The following WWOX variants were observed in gnomAD, a reference collection of about 807,000 sequenced individuals.
WWOX encodes WW domain-containing oxidoreductase.
WWOX carries 69 observed loss-of-function variants against 46.2 expected under a neutral mutation model. The ratio of observed to expected loss-of-function variants is 1.49; its 90% CI spans 1.23 to 1.82. WWOX has a LOEUF of 1.82. WWOX is among the 40% of genes most tolerant of loss of function. WWOX has a pLI of 0.00. For synonymous variants in WWOX, 359 were observed against 202.6 expected (o/e 1.77, Z -6.56); for missense variants, 919 against 542.6 (o/e 1.69, Z -6.89).
At chr16:78,866,946 C>T (rs1254814736) in intron 8 of WWOX, among the ~76,000 whole-genome samples, 1 of 152,200 alleles carries the variant, frequency 6.6e-6, no homozygotes, top group Non-Finnish European at 1.5e-5. Context: ...GAACCCTTGC[C>T]ACCAGCTGCA....
At chr16:79,179,030 C>A (rs1049522918) in intron 8 of WWOX, among the ~76,000 whole-genome samples, 2 of 152,124 alleles carry the variant, frequency 1.3e-5, no homozygotes, top group Admixed American at 6.5e-5. Flanking sequence ...TGTGCTAAAC[C>A]TGGCCCTGCC....
rs2046109317 is a variant in WWOX, at chr16:78,619,143, ATATATATATATATAT to A, written c.1056+186392_1056+186406del. 5.7e-4 allele frequency among the ~76,000 whole-genome samples: 2 copies of A among 3,526 alleles called. 1 individual carries two copies. The highest frequency in any genetic ancestry group is 1.0e-3 in the Non-Finnish European group (2 of 1,964). The allele number at this position is 3,526 out of a possible 152,430, so 2.3% of individuals were successfully genotyped here. The stretch of plus-strand genomic sequence containing the variant: ...AAACCCCATTTCTACTAAAAAAAAA[ATATATATATATATAT>A]ATATATATATATATATATATATATA... On this transcript the variant is annotated intron_variant, in intron 8 of 8. Coordinates refer to ENST00000566780, the MANE Select transcript of WWOX (RefSeq NM_016373.4).
chr16:79,160,787 CTG>C (rs1196277980), intron 8 of WWOX, among the ~76,000 whole-genome samples: 6 of 152,166 alleles, frequency 3.9e-5, no homozygotes, highest in East Asian at 3.9e-4. Flanking sequence ...ATTCATATGT[CTG>C]TGTGTACATA....
chr16:78,101,665 T>G (rs1394241119), intron 1 of WWOX, among the ~76,000 whole-genome samples: 1 of 152,132 alleles, frequency 6.6e-6, no homozygotes, highest in Non-Finnish European at 1.5e-5. Context: ...TCTCCCTTGG[T>G]AGGTTGTAAA....
At chr16:78,222,358 AAAGG>A (rs1397150287) in intron 5 of WWOX, among the ~76,000 whole-genome samples, 6 of 151,600 alleles carry the variant, frequency 4.0e-5, no homozygotes, top group Admixed American at 6.6e-5. Context: ...AAAAAAAAAA[AAAGG>A]AGAAGTCCAA....
At chr16:78,851,468 C>T (rs962824196) in intron 8 of WWOX, among the ~76,000 whole-genome samples, 2 of 152,170 alleles carry the variant, frequency 1.3e-5, no homozygotes, top group African/African-American at 4.8e-5. Flanking sequence ...AGGTCATTGC[C>T]TATATGACTC....
chr16:79,112,905 A>G (rs142029410), intron 8 of WWOX, among the ~76,000 whole-genome samples: 1,648 of 152,300 alleles, frequency 0.011, 30 homozygotes, highest in African/African-American at 0.038. Context: ...GCCTCTGTGC[A>G]GCGCAGCTCA....
At chr16:78,728,187 C>T (rs2048882259) in intron 8 of WWOX, among the ~76,000 whole-genome samples, 1 of 150,932 alleles carries the variant, frequency 6.6e-6, no homozygotes, top group East Asian at 2.0e-4. Context: ...GCCTCAGCCT[C>T]CTGAGTAGCT....
intron 8 of WWOX, among the ~76,000 whole-genome samples, chr16:78,599,105 G>A (rs1456073600): frequency 6.6e-6 from 1 of 152,166 alleles, no homozygotes; most frequent in Non-Finnish European, 1.5e-5. Flanking sequence ...CTGAATGCCA[G>A]CTCAAGCTGC....
At chr16:78,796,848 C>G (rs1340376810) in intron 8 of WWOX, among the ~76,000 whole-genome samples, 1 of 147,666 alleles carries the variant, frequency 6.8e-6, no homozygotes, top group Non-Finnish European at 1.5e-5. Context: ...TTTTTTTAGC[C>G]ATAGTCTCAC....
At chr16:78,275,223 T>C (rs1124584) in intron 5 of WWOX, among the ~76,000 whole-genome samples, 95,449 of 152,056 alleles carry the variant, frequency 0.63, 31,315 homozygotes, top group East Asian at 0.92. Flanking sequence ...CCCCACATCC[T>C]CTTTTTTTAA....
chr16:78,612,801 A>G (rs2045931689), intron 8 of WWOX, among the ~76,000 whole-genome samples: 1 of 152,208 alleles, frequency 6.6e-6, no homozygotes, highest in South Asian at 2.1e-4. Flanking sequence ...CACCTACAAA[A>G]TGAAGGCTAC....
At chr16:79,195,506 G>A (rs535036795) in intron 8 of WWOX, among the ~76,000 whole-genome samples, 98 of 152,268 alleles carry the variant, frequency 6.4e-4, no homozygotes, top group African/African-American at 2.3e-3. Flanking sequence ...CTGAGGAAAT[G>A]AGTGCCTCCT....
At chr16:78,331,565 C>G (rs977970009) in intron 5 of WWOX, among the ~76,000 whole-genome samples, 13 of 152,170 alleles carry the variant, frequency 8.5e-5, no homozygotes, top group African/African-American at 1.9e-4. Context: ...GGAGAGTCTA[C>G]CAGGCAGCAC....
In WWOX at chr16:78,277,315, G is replaced by A. The variant is rs115542586; in HGVS notation, c.517-109545G>A. 6.8e-3 allele frequency among the ~76,000 whole-genome samples: 1,029 copies of A among 152,252 alleles called. 10 individuals carry two copies. The highest frequency in any genetic ancestry group is 0.023 in the African/African-American group (973 of 41,542). On this transcript the variant is annotated intron_variant, in intron 5 of 8. Coordinates refer to ENST00000566780, the MANE Select transcript of WWOX (RefSeq NM_016373.4). The stretch of plus-strand genomic sequence containing the variant: ...GGCCAGGTTTGTGTAAGGGATGAAC[G>A]ACTCTCTATAAAATGATGTCAGGAT...
chr16:78,690,971 A>G (rs778421788), intron 8 of WWOX, among the ~76,000 whole-genome samples: 23 of 152,100 alleles, frequency 1.5e-4, no homozygotes, highest in Non-Finnish European at 7.3e-5. Context: ...CCAGGCCTCA[A>G]TCTATATGTC....
chr16:79,121,326 C>T (rs1227266975), intron 8 of WWOX, among the ~76,000 whole-genome samples: 1 of 152,158 alleles, frequency 6.6e-6, no homozygotes, highest in Non-Finnish European at 1.5e-5. Context: ...ATATCTTCTC[C>T]ATAGTCGCAG....
chr16:78,191,265 C>T (rs1239779998), intron 5 of WWOX, among the ~76,000 whole-genome samples: 1 of 152,172 alleles, frequency 6.6e-6, no homozygotes, highest in African/African-American at 2.4e-5. Context: ...CCTGGGCACC[C>T]AGCCTGGTGA....
chr16:79,040,339 A>G (rs979741279), intron 8 of WWOX, among the ~76,000 whole-genome samples: 12 of 146,758 alleles, frequency 8.2e-5, no homozygotes, highest in African/African-American at 3.1e-4. Context: ...CGGTGGTGCG[A>G]TCTCAGCTCA....
Sources: allele counts gnomAD v4.1 joint callset (sites outside exome capture counted in the v4.1 genomes callset), GRCh38; gene constraint gnomAD v4.1.1; transcripts MANE v1.5; gene names NCBI Gene and HGNC (gene_info 2026-07-23, HGNC 2026-07-21).